The following TFDP2 variants were observed in gnomAD, a reference collection of about 807,000 sequenced individuals.
The protein encoded by TFDP2 is transcription factor Dp-2 (E2F dimerization partner 2).
In TFDP2, 17 loss-of-function variants were observed where a neutral mutation model predicts 59.3. That is an observed-to-expected ratio of 0.29 (90% CI 0.20 to 0.43). The LOEUF is 0.43. Ranked by LOEUF, TFDP2 falls within the 20% of genes least tolerant of loss-of-function variation. The probability of loss-of-function intolerance (pLI) is 1.00; values close to 1 mark genes in which losing one functional copy is unlikely to be tolerated. For synonymous variants in TFDP2, 180 were observed against 194.7 expected, an observed-to-expected ratio of 0.92 and a Z score of 0.63; for missense variants, 391 against 528.8, an observed-to-expected ratio of 0.74 and a Z score of 2.56.
chr3:142,119,557 G>C (rs1358482849), intron 1 of TFDP2, among the ~76,000 whole-genome samples: 1 of 152,152 alleles, frequency 6.6e-6, no homozygotes, highest in Non-Finnish European at 1.5e-5. Flanking sequence ...ATTAAATATA[G>C]AATTACCATT....
chr3:142,110,759 G>A (rs189227358), intron 1 of TFDP2, among the ~76,000 whole-genome samples: 95 of 151,850 alleles, frequency 6.3e-4, no homozygotes, highest in Non-Finnish European at 1.0e-3. Context: ...TCACTCTAGC[G>A]TGGGCAAAAT....
intron 5 of TFDP2, chr3:141,994,395 GT>G (rs1412831574): frequency 1.3e-5 from 2 of 152,038 alleles, no homozygotes; most frequent in African/African-American, 4.8e-5. Context: ...ACAAAATGAG[GT>G]TTTGAGTAAT....
chr3:142,067,486 T>C (rs923771627), intron 3 of TFDP2, among the ~76,000 whole-genome samples: 17 of 152,148 alleles, frequency 1.1e-4, no homozygotes, highest in Non-Finnish European at 2.4e-4. Flanking sequence ...ACCTAATTAA[T>C]GTAGAGCTAT....
At chr3:142,062,760 C>T (rs1276265939) in intron 3 of TFDP2, among the ~76,000 whole-genome samples, 4 of 150,520 alleles carry the variant, frequency 2.7e-5, no homozygotes, top group Non-Finnish European at 6.0e-5. Flanking sequence ...TGCCCAATAA[C>T]ATTAAAGTGA....
At chr3:142,004,519 T>C (rs1484173736) in intron 4 of TFDP2, among the ~76,000 whole-genome samples, 1 of 152,176 alleles carries the variant, frequency 6.6e-6, no homozygotes, top group African/African-American at 2.4e-5. Flanking sequence ...AGTTTCAGAG[T>C]AGTGGAATGC....
intron 3 of TFDP2, among the ~76,000 whole-genome samples, chr3:142,054,438 T>C (rs2059670494): frequency 6.6e-6 from 1 of 152,252 alleles, no homozygotes; most frequent in Non-Finnish European, 1.5e-5. Context: ...AAAATAATTA[T>C]GACTTTAGTA....
intron 3 of TFDP2, among the ~76,000 whole-genome samples, chr3:142,062,197 GA>G (rs2059938948): frequency 1.3e-5 from 2 of 151,904 alleles, no homozygotes; most frequent in Non-Finnish European, 2.9e-5. Flanking sequence ...TTTATTGTAA[GA>G]ATACAGTACA....
intron 3 of TFDP2, among the ~76,000 whole-genome samples, chr3:142,070,379 G>T (rs2060207125): frequency 6.6e-6 from 1 of 152,118 alleles, no homozygotes; most frequent in Non-Finnish European, 1.5e-5. Context: ...CTGGGCTCAA[G>T]CAATCCTCCT....
intron 10 of TFDP2, among the ~76,000 whole-genome samples, chr3:141,961,810 C>T (rs1013094064): frequency 6.6e-6 from 1 of 152,128 alleles, no homozygotes; most frequent in African/African-American, 2.4e-5. Context: ...AGGAAGTGTG[C>T]ACCTGCAGTC....
At chr3:142,083,361 CA>C (rs1395357254) in intron 3 of TFDP2, among the ~76,000 whole-genome samples, 5 of 151,890 alleles carry the variant, frequency 3.3e-5, no homozygotes, top group African/African-American at 9.7e-5. Flanking sequence ...AAAGAGGACA[CA>C]AAAAATGGAA....
chr3:141,950,789 C>T lies in TFDP2; in HGVS notation c.*1724G>A, dbSNP rs1935863116. 1 of 152,596 alleles carries T rather than the reference C, an allele frequency of 6.6e-6. No homozygotes were observed. Among genetic ancestry groups the T allele is most frequent in the African/African-American group, 2.4e-5 (1 of 41,430 alleles). 9.5% of individuals were successfully genotyped at this position (152,596 alleles called of 1,614,324 possible). A position where few individuals can be genotyped will look rare whatever the true frequency, so the allele number is the denominator to read the frequency against. The stretch of plus-strand genomic sequence containing the variant: ...GCCCCTGGGGACCTGCTGTCACCTC[C>T]CCAGTGTTCCTGACTGGTCTGAGAG... On this transcript the variant is annotated 3_prime_UTR_variant, in exon 13 of 13. Transcript: ENST00000489671.
chr3:141,968,373 ACATATATCT>A (rs1359323487), intron 9 of TFDP2, among the ~76,000 whole-genome samples: 3,217 of 103,750 alleles, frequency 0.031, 273 homozygotes, highest in Non-Finnish European at 0.05. Context: ...CTCATATATA[ACATATATCT>A]CATATATATA....
chr3:142,138,000 G>C (rs560646259), intron 1 of TFDP2, among the ~76,000 whole-genome samples: 1 of 152,198 alleles, frequency 6.6e-6, no homozygotes, highest in South Asian at 2.1e-4. Flanking sequence ...AATCTGTCTG[G>C]TCCTGGAATT....
chr3:142,011,376 T>C (rs1035658433), intron 3 of TFDP2, among the ~76,000 whole-genome samples: 2 of 132,208 alleles, frequency 1.5e-5, no homozygotes, highest in African/African-American at 5.6e-5. Context: ...CACTCATAGG[T>C]GGGAATTGAA....
chr3:142,066,136 A>G (rs2060067734), intron 3 of TFDP2, among the ~76,000 whole-genome samples: 1 of 152,206 alleles, frequency 6.6e-6, no homozygotes, highest in African/African-American at 2.4e-5. Context: ...TGGTCCCTAC[A>G]GGGAGCCATT....
intron 8 of TFDP2, among the ~76,000 whole-genome samples, chr3:141,973,486 G>C (rs946586673): frequency 1.3e-5 from 2 of 152,084 alleles, no homozygotes; most frequent in African/African-American, 2.4e-5. Context: ...TTTAGGAAGA[G>C]TTTTCTATAA....
At chr3:141,992,686 A>G (rs895150334) in intron 6 of TFDP2, among the ~76,000 whole-genome samples, 7 of 152,224 alleles carry the variant, frequency 4.6e-5, no homozygotes, top group Admixed American at 1.3e-4. Context: ...AGCAAACAAC[A>G]AAAGCCACCA....
intron 1 of TFDP2, among the ~76,000 whole-genome samples, chr3:142,140,890 T>C (rs996199040): frequency 1.3e-5 from 2 of 152,188 alleles, no homozygotes; most frequent in Non-Finnish European, 2.9e-5. Flanking sequence ...TCAAACACCA[T>C]GCTGGGAGAA....
chr3:141,977,106 ATT>A lies in TFDP2; in HGVS notation c.519+1412_519+1413del, dbSNP rs66720095. ...GTCATAGCCATATATATATATATAT[ATT>A]TTTTTTTTTTTTTTTTTTTTCCCCC... On this transcript the variant is annotated intron_variant, in intron 7 of 12. Transcript: ENST00000489671. 6.9e-3 allele frequency among the ~76,000 whole-genome samples: 675 copies of A among 97,442 alleles called. 3 individuals are homozygous for A. The highest frequency in any genetic ancestry group is 9.0e-3 in the Non-Finnish European group (444 of 49,476). The allele number at this position is 97,442 out of a possible 152,430, so 63.9% of individuals were successfully genotyped here. A position where few individuals can be genotyped will look rare whatever the true frequency, so the allele number is the denominator to read the frequency against.
Sources: allele counts gnomAD v4.1 joint callset (sites outside exome capture counted in the v4.1 genomes callset), GRCh38; gene constraint gnomAD v4.1.1; transcripts MANE v1.5; gene names NCBI Gene and HGNC (gene_info 2026-07-23, HGNC 2026-07-21).